FAM227B: variants seen among roughly 807,000 people sequenced by gnomAD.
FAM227B encodes the protein family with sequence similarity 227 member B.
A neutral mutation model predicts 73.8 loss-of-function variants in FAM227B; 88 were observed. The ratio of observed to expected loss-of-function variants is 1.19; its 90% CI spans 1.00 to 1.42. The LOEUF is 1.42. Ranked by LOEUF, FAM227B falls within the 40% of genes most tolerant of loss-of-function variation. FAM227B has a pLI of 0.00. For synonymous variants in FAM227B, 210 were observed against 190.5 expected (o/e 1.10, Z -0.84); for missense variants, 632 against 590.9 (o/e 1.07, Z -0.72).
At chr15:49,477,802 A>G (rs2055489059) in intron 11 of FAM227B, among the ~76,000 whole-genome samples, 1 of 152,200 alleles carries the variant, frequency 6.6e-6, no homozygotes, top group Non-Finnish European at 1.5e-5. Context: ...TAGTAATGAA[A>G]GAGTTTTGGT....
Position 49,368,959 on chromosome 15 carries a change from T to TTTTG in FAM227B, c.1111-1355_1111-1352dup, listed in dbSNP as rs540708622. 5.3e-5 allele frequency among the ~76,000 whole-genome samples: 8 copies of TTTTG among 151,994 alleles called. No homozygotes were observed. The East Asian group carries it at 7.7e-4, about 15-fold the overall frequency. On this transcript the variant is annotated intron_variant, in intron 12 of 15. Transcript: ENST00000299338. ...TCCCGTGGTGTTGTTTTTGTTTTGT[T>TTTTG]TTTGTTTGTTTGTTTGTTTTTATTT...
intron 9 of FAM227B, among the ~76,000 whole-genome samples, chr15:49,546,065 G>T (rs796682666): frequency 6.6e-6 from 1 of 151,600 alleles, no homozygotes; most frequent in Non-Finnish European, 1.5e-5. Context: ...CCATTAACTC[G>T]TCATTTAGCA....
chr15:49,384,524 C>T (rs1353254601), intron 11 of FAM227B, among the ~76,000 whole-genome samples: 5 of 152,006 alleles, frequency 3.3e-5, no homozygotes, highest in African/African-American at 9.6e-5. Context: ...AGGGAAGTGC[C>T]ACAGGAACAC....
At chr15:49,428,695 G>A (rs997772823) in intron 11 of FAM227B, among the ~76,000 whole-genome samples, 5 of 151,908 alleles carry the variant, frequency 3.3e-5, no homozygotes, top group African/African-American at 1.2e-4. Flanking sequence ...CATGCTTTTG[G>A]TATCCAATTA....
intron 11 of FAM227B, among the ~76,000 whole-genome samples, chr15:49,495,962 G>A (rs2057564641): frequency 6.6e-6 from 1 of 152,118 alleles, no homozygotes; most frequent in Non-Finnish European, 1.5e-5. Flanking sequence ...GGCAGAGGTT[G>A]CAGTGAGCCA....
At chr15:49,538,173 C>T (rs1008750550) in intron 10 of FAM227B, among the ~76,000 whole-genome samples, 2 of 152,098 alleles carry the variant, frequency 1.3e-5, no homozygotes, top group Admixed American at 6.6e-5. Flanking sequence ...TTTGATTATG[C>T]GGTTGACACT....
chr15:49,450,527 A>C (rs982208802), intron 11 of FAM227B, among the ~76,000 whole-genome samples: 7 of 152,116 alleles, frequency 4.6e-5, no homozygotes, highest in African/African-American at 1.7e-4. Context: ...TCAATGTGTA[A>C]ACTTTCTCAG....
Position 49,577,059 on chromosome 15 carries a change from G to A in FAM227B, c.442-214C>T, listed in dbSNP as rs1390845477. 4 of 430,456 alleles carry A rather than the reference G, an allele frequency of 9.3e-6. No individual in the cohort carries two copies. In the East Asian group the frequency reaches 1.7e-4, roughly 18 times the overall value. 26.7% of individuals were successfully genotyped at this position (430,456 alleles called of 1,614,324 possible). On this transcript the variant is annotated intron_variant, in intron 6 of 15. Coordinates refer to ENST00000299338, the MANE Select transcript of FAM227B (RefSeq NM_152647.3). ...CGCCTGTAATCCCACCACACTGGGAGGCTGAAGTGGGTGGATCACTTGAGG... is the reference window on the plus strand; with the variant it reads ...CGCCTGTAATCCCACCACACTGGGAAGCTGAAGTGGGTGGATCACTTGAGG...
intron 11 of FAM227B, among the ~76,000 whole-genome samples, chr15:49,464,274 C>T (rs1205247828): frequency 6.6e-6 from 1 of 152,078 alleles, no homozygotes; most frequent in African/African-American, 2.4e-5. Context: ...ATTTCTGCCC[C>T]CACCTCTAGT....
intron 3 of FAM227B, among the ~76,000 whole-genome samples, chr15:49,590,729 A>G (rs536576831): frequency 1.2e-4 from 18 of 152,274 alleles, no homozygotes; most frequent in South Asian, 2.1e-4. Flanking sequence ...TACACCATAC[A>G]TTATTATTAA....
intron 11 of FAM227B, among the ~76,000 whole-genome samples, chr15:49,462,193 A>C (rs982650407): frequency 3.3e-5 from 5 of 152,178 alleles, no homozygotes; most frequent in Non-Finnish European, 1.5e-5. Context: ...GGGATGACTT[A>C]GGAGGATCTG....
rs115262335 is a variant in FAM227B, at chr15:49,593,180, C to T, written c.106-3173G>A. ...GCCCCGCCCTGCTTTGGCTCACCTCCGAGGGCTGCACCCTCTGTCCAACCA... is the reference window on the plus strand; with the variant it reads ...GCCCCGCCCTGCTTTGGCTCACCTCTGAGGGCTGCACCCTCTGTCCAACCA... On this transcript the variant is annotated intron_variant, in intron 3 of 15. Coordinates refer to ENST00000299338, the MANE Select transcript of FAM227B (RefSeq NM_152647.3). Among the ~76,000 whole-genome samples, 1,237 of 152,210 alleles carry T rather than the reference C, an allele frequency of 8.1e-3. 18 individuals carry two copies. Among genetic ancestry groups the T allele is most frequent in the African/African-American group, 0.029 (1,198 of 41,524 alleles).
chr15:49,500,963 A>G (rs910297977), intron 11 of FAM227B, among the ~76,000 whole-genome samples: 1 of 152,132 alleles, frequency 6.6e-6, no homozygotes, highest in Non-Finnish European at 1.5e-5. Flanking sequence ...ACCTTCTGCC[A>G]TGATTGTAAG....
chr15:49,370,561 G>T (rs2045740910), intron 12 of FAM227B, among the ~76,000 whole-genome samples: 1 of 152,052 alleles, frequency 6.6e-6, no homozygotes, highest in East Asian at 1.9e-4. Flanking sequence ...ATTAAACTTG[G>T]GTTATTAAAT....
intron 11 of FAM227B, among the ~76,000 whole-genome samples, chr15:49,478,388 T>C (rs2151998017): frequency 1.3e-5 from 2 of 152,208 alleles, no homozygotes; most frequent in East Asian, 3.9e-4. Context: ...GTTGGATATA[T>C]TGATATATTT....
chr15:49,535,133 C>T (rs181204855), intron 10 of FAM227B, among the ~76,000 whole-genome samples: 232 of 151,436 alleles, frequency 1.5e-3, no homozygotes, highest in African/African-American at 5.3e-3. Flanking sequence ...ATTTAAAAAT[C>T]AATAAAACTA....
intron 11 of FAM227B, among the ~76,000 whole-genome samples, chr15:49,448,519 C>A (rs2151871814): frequency 6.6e-6 from 1 of 151,510 alleles, no homozygotes; most frequent in East Asian, 1.9e-4. Flanking sequence ...AAACTCCTAA[C>A]ATAAGTTAAT....
rs758410195 is a variant in FAM227B at position 49,508,366 on chromosome 15, A to T, written c.875-18T>A. On this transcript the variant is annotated intron_variant, in intron 10 of 15. Coordinates refer to ENST00000299338, the MANE Select transcript of FAM227B (RefSeq NM_152647.3). Reference sequence around the variant, plus strand: ...TTTTAAACCTGTTAATATAAAATACATATTTAGCCAAATAAATTTGGATTT... The same window carrying T: ...TTTTAAACCTGTTAATATAAAATACTTATTTAGCCAAATAAATTTGGATTT... The T allele has an allele frequency of 1.3e-6, 2 of 1,537,802 alleles. No individual in the cohort carries two copies. Among genetic ancestry groups the T allele is most frequent in the Non-Finnish European group, 1.7e-6 (2 of 1,148,486 alleles).
rs59512031 is a variant in FAM227B at position 49,327,542 on chromosome 15, T to C, written c.*1026A>G. ...ATTTTAAATTTTGATTTGTCCTCAT[T>C]TGGAGTGACCTTCTGATTCAGGGTT... On this transcript the variant is annotated 3_prime_UTR_variant, in exon 16 of 16. Coordinates refer to ENST00000299338, the MANE Select transcript of FAM227B (RefSeq NM_152647.3). 0.013 allele frequency: 2,078 copies of C among 156,884 alleles called. 49 individuals carry two copies. Among genetic ancestry groups the C allele is most frequent in the African/African-American group, 0.048 (1,996 of 41,656 alleles). The allele number at this position is 156,884 out of a possible 1,614,324, so 9.7% of individuals were successfully genotyped here.
Sources: gnomAD v4.1 joint callset for allele counts (sites outside exome capture counted in the v4.1 genomes callset) on GRCh38, gnomAD v4.1.1 for gene constraint, MANE v1.5 for transcripts, NCBI Gene and HGNC (gene_info 2026-07-23, HGNC 2026-07-21) for gene names.